The following BACH2 variants were observed in gnomAD, a reference collection of about 807,000 sequenced individuals.
The protein encoded by BACH2 is transcription regulator protein BACH2.
Under a neutral mutation model 61.8 loss-of-function variants are expected in BACH2, and 5 were observed. That is an observed-to-expected ratio of 0.08 (90% confidence interval 0.04 to 0.17). The LOEUF (loss-of-function observed/expected upper bound fraction) is 0.17, where lower values mean the gene tolerates loss of function less well. BACH2 is among the 10% of genes least tolerant of loss of function. The pLI is 1.00. For missense variants in BACH2, 824 were observed against 1,091.1 expected (o/e 0.76, Z 3.45); for synonymous variants, 446 against 440.1 (o/e 1.01, Z -0.17).
At chr6:89,985,570 T>A (rs1265595695) in intron 6 of BACH2, among the ~76,000 whole-genome samples, 1 of 152,066 alleles carries the variant, frequency 6.6e-6, no homozygotes, top group African/African-American at 2.4e-5. Flanking sequence ...GGCAGACACA[T>A]GAGATCATCT....
At chr6:90,243,719 A>G (rs935637295) in intron 3 of BACH2, among the ~76,000 whole-genome samples, 1 of 152,230 alleles carries the variant, frequency 6.6e-6, no homozygotes, top group Non-Finnish European at 1.5e-5. Context: ...TGATGGATCC[A>G]AAAAAGCTAG....
At chr6:90,125,177 A>AG (rs1383358421) in intron 4 of BACH2, among the ~76,000 whole-genome samples, 1 of 152,232 alleles carries the variant, frequency 6.6e-6, no homozygotes. Flanking sequence ...AAAGGAAGAG[A>AG]GAAGAAAATG....
intron 1 of BACH2, among the ~76,000 whole-genome samples, chr6:90,296,077 G>A (rs1772362874): frequency 2.6e-5 from 4 of 152,166 alleles, no homozygotes; most frequent in East Asian, 1.9e-4. Flanking sequence ...CAGGGCCGCG[G>A]GTCTGACAGC....
intron 4 of BACH2, among the ~76,000 whole-genome samples, chr6:90,112,396 T>C (rs1783213270): frequency 6.6e-6 from 1 of 152,254 alleles, no homozygotes; most frequent in East Asian, 1.9e-4. Context: ...AGGCTAACAG[T>C]GAACCTCTAA....
intron 5 of BACH2, among the ~76,000 whole-genome samples, chr6:90,030,862 G>T (rs1486796256): frequency 6.6e-6 from 1 of 151,690 alleles, no homozygotes; most frequent in African/African-American, 2.4e-5. Context: ...TATGAGGCCA[G>T]CATCATCCTG....
intron 6 of BACH2, among the ~76,000 whole-genome samples, chr6:89,987,041 CACTTA>C (rs1351340000): frequency 6.6e-6 from 1 of 152,158 alleles, no homozygotes; most frequent in Non-Finnish European, 1.5e-5. Flanking sequence ...TACTCTGTCA[CACTTA>C]ACTTGTCTCT....
intron 5 of BACH2, among the ~76,000 whole-genome samples, chr6:90,035,178 C>T (rs1256814322): frequency 6.6e-6 from 1 of 152,062 alleles, no homozygotes; most frequent in Non-Finnish European, 1.5e-5. Context: ...TATCTAACTA[C>T]CCTCTCTGGG....
At chr6:90,161,756 C>T (rs994983233) in intron 4 of BACH2, among the ~76,000 whole-genome samples, 1 of 152,136 alleles carries the variant, frequency 6.6e-6, no homozygotes, top group African/African-American at 2.4e-5. Context: ...CCACTGCAAC[C>T]TGTAACAGAC....
At chr6:90,012,566 T>A (rs542520886) in intron 5 of BACH2, among the ~76,000 whole-genome samples, 2 of 149,654 alleles carry the variant, frequency 1.3e-5, no homozygotes, top group South Asian at 2.1e-4. Flanking sequence ...CAGGAAGAGG[T>A]TGCAGTGAGC....
At position 89,930,270 on chromosome 6, in the gene BACH2, C is replaced by T. The variant is rs1302827975; in HGVS notation, c.*2138G>A. The stretch of plus-strand genomic sequence containing the variant: ...TTTTTTTTTTATCCTACTGCATGAA[C>T]TGACAAATTTCTGGCATTCATACAT... On this transcript the variant is annotated 3_prime_UTR_variant, in exon 9 of 9. Coordinates refer to ENST00000257749, the MANE Select transcript of BACH2 (RefSeq NM_021813.4). The T allele has an allele frequency of 8.9e-6, 1 of 111,752 alleles. No individual in the cohort carries two copies. The highest frequency in any genetic ancestry group is 3.4e-5 in the African/African-American group (1 of 29,286). The allele number at this position is 111,752 out of a possible 1,614,324, so 6.9% of individuals were successfully genotyped here.
intron 7 of BACH2, among the ~76,000 whole-genome samples, chr6:89,940,758 G>A (rs1350504630): frequency 1.3e-5 from 2 of 151,956 alleles, no homozygotes; most frequent in African/African-American, 2.4e-5. Flanking sequence ...AAAGAAACAG[G>A]TGAAATGAGT....
intron 6 of BACH2, among the ~76,000 whole-genome samples, chr6:89,993,046 G>A (rs1303238914): frequency 1.3e-5 from 2 of 152,198 alleles, no homozygotes; most frequent in Non-Finnish European, 2.9e-5. Flanking sequence ...GAAAGGCTAT[G>A]TGAGGACACA....
intron 5 of BACH2, among the ~76,000 whole-genome samples, chr6:90,036,942 T>C (rs1052356580): frequency 1.3e-5 from 2 of 152,224 alleles, no homozygotes; most frequent in African/African-American, 2.4e-5. Flanking sequence ...CTAAAACAGT[T>C]GAATTTTGAA....
In BACH2 at chr6:90,131,344, T is replaced by C. The variant is rs1289245619; in HGVS notation, c.-161-42235A>G. ...CTTGTTGGTGATTACACTTATGCCTTTGTACACTGCCGGCTGGCTTCAAAA... is the reference window on the plus strand; with the variant it reads ...CTTGTTGGTGATTACACTTATGCCTCTGTACACTGCCGGCTGGCTTCAAAA... On this transcript the variant is annotated intron_variant, in intron 4 of 8. Coordinates refer to ENST00000257749, the MANE Select transcript of BACH2 (RefSeq NM_021813.4). Among the ~76,000 whole-genome samples the C allele has an allele frequency of 2.0e-5, 3 of 152,218 alleles. No individual in the cohort carries two copies. The East Asian group carries it at 5.8e-4, about 29-fold the overall frequency.
At chr6:90,085,883 T>A (rs1008677470) in intron 5 of BACH2, among the ~76,000 whole-genome samples, 1 of 152,160 alleles carries the variant, frequency 6.6e-6, no homozygotes, top group African/African-American at 2.4e-5. Context: ...TTCGGTGGCA[T>A]TAAATACATT....
intron 6 of BACH2, among the ~76,000 whole-genome samples, chr6:90,005,588 T>C (rs2127779560): frequency 6.6e-6 from 1 of 152,328 alleles, no homozygotes; most frequent in East Asian, 1.9e-4. Context: ...CATTTCAGTG[T>C]GCACACAGCA....
At chr6:89,946,941 T>C (rs1384675717) in intron 7 of BACH2, among the ~76,000 whole-genome samples, 2 of 152,320 alleles carry the variant, frequency 1.3e-5, no homozygotes, top group South Asian at 2.1e-4. Context: ...AGCCAACGAC[T>C]GTGAGATGGA....
chr6:90,015,987 G>A (rs1778038636), intron 5 of BACH2, among the ~76,000 whole-genome samples: 1 of 152,016 alleles, frequency 6.6e-6, no homozygotes, highest in Non-Finnish European at 1.5e-5. Flanking sequence ...TTTTCTTGTA[G>A]TATTTATTCC....
intron 6 of BACH2, among the ~76,000 whole-genome samples, chr6:89,963,808 A>C (rs1340982850): frequency 6.6e-6 from 1 of 152,244 alleles, no homozygotes; most frequent in Non-Finnish European, 1.5e-5. Context: ...AAAGCAACCC[A>C]AATTTCCATT....
Sources: allele counts gnomAD v4.1 joint callset (sites outside exome capture counted in the v4.1 genomes callset), GRCh38; gene constraint gnomAD v4.1.1; transcripts MANE v1.5; gene names NCBI Gene and HGNC (gene_info 2026-07-23, HGNC 2026-07-21).